Variants in SLC25A26 observed in about 807,000 individuals in gnomAD.
SLC25A26 encodes solute carrier family 25 member 26.
A neutral mutation model predicts 37.8 loss-of-function variants in SLC25A26; 36 were observed. The ratio of observed to expected loss-of-function variants is 0.95; its 90% confidence interval spans 0.73 to 1.26. The LOEUF (loss-of-function observed/expected upper bound fraction) is 1.26. SLC25A26 is among the 50% of genes most tolerant of loss of function. The pLI, the probability that SLC25A26 is intolerant of heterozygous loss-of-function variation, is 0.00. For missense variants in SLC25A26, 390 were observed against 331.1 expected (o/e 1.18, Z -1.38); for synonymous variants, 129 against 122.5 (o/e 1.05, Z -0.35).
chr3:66,137,300 C>T (rs749232857), intron 1 of SLC25A26, among the ~76,000 whole-genome samples: 1 of 149,352 alleles, frequency 6.7e-6, no homozygotes, highest in Non-Finnish European at 1.5e-5. Context: ...AAACTCTGCT[C>T]ACTGCAACCT....
chr3:66,304,416 C>T (rs955150293), intron 5 of SLC25A26: 1 of 456,108 alleles, frequency 2.2e-6, no homozygotes, highest in African/African-American at 2.0e-5. Flanking sequence ...TTTGTGTTCA[C>T]ATGTCTGTTG....
chr3:66,228,654 C>T (rs1036468158), intron 1 of SLC25A26, among the ~76,000 whole-genome samples: 2 of 152,122 alleles, frequency 1.3e-5, no homozygotes, highest in East Asian at 1.9e-4. Context: ...AGATGCTAAA[C>T]GAAACTTAAT....
At chr3:66,320,013 T>G (rs1297245332) in intron 5 of SLC25A26, among the ~76,000 whole-genome samples, 1 of 152,168 alleles carries the variant, frequency 6.6e-6, no homozygotes, top group Admixed American at 6.5e-5. Context: ...CCCAAAGTGC[T>G]GGAAAGCAAT....
At chr3:66,318,865 G>C (rs2075614747) in intron 5 of SLC25A26, among the ~76,000 whole-genome samples, 1 of 151,968 alleles carries the variant, frequency 6.6e-6, no homozygotes, top group Admixed American at 6.6e-5. Context: ...GCCCAGGCTG[G>C]TGTCTAACTC....
At chr3:66,182,727 G>T (rs980340598) in intron 1 of SLC25A26, among the ~76,000 whole-genome samples, 2 of 111,346 alleles carry the variant, frequency 1.8e-5, no homozygotes, top group Non-Finnish European at 3.8e-5. Flanking sequence ...GGGGGGGGGG[G>T]GTGGGGTATC....
At position 66,248,047 on chromosome 3, in the gene SLC25A26, T is replaced by C. The variant is rs73833421; in HGVS notation, c.300+4735T>C. Among the ~76,000 whole-genome samples, 4 of 152,364 alleles carry C rather than the reference T, an allele frequency of 2.6e-5. No individual in the cohort carries two copies. In the East Asian group the frequency reaches 5.8e-4, roughly 22 times the overall value. ...ACACATTTGCTTTGATAGATTATTA[T>C]GTTAGACAGATTGGTTAGAAACAAT... On this transcript the variant is annotated intron_variant, in intron 3 of 9. Transcript: ENST00000354883.
chr3:66,342,469 G>T (rs1280281616), intron 5 of SLC25A26, among the ~76,000 whole-genome samples: 1 of 152,150 alleles, frequency 6.6e-6, no homozygotes, highest in Non-Finnish European at 1.5e-5. Context: ...AGGGCTAAAT[G>T]ATACCTTAGA....
chr3:66,195,684 A>G (rs1241495734), intron 1 of SLC25A26, among the ~76,000 whole-genome samples: 1 of 152,224 alleles, frequency 6.6e-6, no homozygotes, highest in Non-Finnish European at 1.5e-5. Context: ...GGTGTATTAC[A>G]GTAGGTGCCG....
chr3:66,277,647 A>G lies in SLC25A26; in HGVS notation c.453+14268A>G, dbSNP rs558694890. The stretch of plus-strand genomic sequence containing the variant: ...TCATTTATTTTAAAAAACGAATATC[A>G]TAGTCTAGAAGTATTTCCCCAAAGC... On this transcript the variant is annotated intron_variant, in intron 5 of 9. Coordinates refer to ENST00000354883, the MANE Select transcript of SLC25A26 (RefSeq NM_001379210.1). Among the ~76,000 whole-genome samples the G allele has an allele frequency of 1.6e-4, 25 of 152,224 alleles. No homozygotes were observed. In the South Asian group the frequency reaches 5.0e-3, roughly 30 times the overall value.
intron 5 of SLC25A26, among the ~76,000 whole-genome samples, chr3:66,333,900 C>A (rs1402126115): frequency 6.6e-6 from 1 of 152,190 alleles, no homozygotes; most frequent in African/African-American, 2.4e-5. Flanking sequence ...TGCAAGTCTT[C>A]GCTTCCATTT....
chr3:66,372,443 G>A (rs1379695489), intron 9 of SLC25A26, among the ~76,000 whole-genome samples: 1 of 152,182 alleles, frequency 6.6e-6, no homozygotes, highest in African/African-American at 2.4e-5. Context: ...CCTGGTTGTG[G>A]CATGTCTTAT....
At chr3:66,358,977 G>T (rs1313558830) in intron 6 of SLC25A26, among the ~76,000 whole-genome samples, 1 of 152,182 alleles carries the variant, frequency 6.6e-6, no homozygotes, top group Non-Finnish European at 1.5e-5. Flanking sequence ...TGCCACTGAA[G>T]TTTCTCACTT....
chr3:66,320,193 G>A (rs1009340171), intron 5 of SLC25A26, among the ~76,000 whole-genome samples: 1 of 152,044 alleles, frequency 6.6e-6, no homozygotes, highest in Non-Finnish European at 1.5e-5. Flanking sequence ...GTGCAACCAT[G>A]ATCACTATTT....
chr3:66,214,966 A>G (rs948125305), intron 1 of SLC25A26, among the ~76,000 whole-genome samples: 6 of 152,226 alleles, frequency 3.9e-5, no homozygotes, highest in Middle Eastern at 3.4e-3. Context: ...CATCTCTACT[A>G]AAAATACAAA....
intron 1 of SLC25A26, among the ~76,000 whole-genome samples, chr3:66,143,915 C>A (rs1271522622): frequency 6.6e-6 from 1 of 152,016 alleles, no homozygotes; most frequent in East Asian, 1.9e-4. Flanking sequence ...ATGAGAACAG[C>A]AAAGCCTTAA....
intron 1 of SLC25A26, among the ~76,000 whole-genome samples, chr3:66,149,995 A>G (rs1389637988): frequency 6.6e-6 from 1 of 152,102 alleles, no homozygotes; most frequent in East Asian, 1.9e-4. Context: ...TGGCCAACCT[A>G]TGTTTATTCT....
At chr3:66,309,058 T>G (rs1233190750) in intron 5 of SLC25A26, among the ~76,000 whole-genome samples, 3 of 152,168 alleles carry the variant, frequency 2.0e-5, no homozygotes, top group Admixed American at 6.5e-5. Context: ...ATAAAGTGAG[T>G]TAGGGAGGAG....
intron 1 of SLC25A26, among the ~76,000 whole-genome samples, chr3:66,167,844 A>T (rs752595421): frequency 6.6e-6 from 1 of 152,162 alleles, no homozygotes; most frequent in Admixed American, 6.5e-5. Context: ...TGTTATTTCA[A>T]TATGGGTTAA....
rs116371330 is a variant in SLC25A26 at position 66,350,717 on chromosome 3, C to A, written c.498+4309C>A. Among the ~76,000 whole-genome samples, 1,197 of 151,066 alleles carry A rather than the reference C, an allele frequency of 7.9e-3. 16 individuals are homozygous for A. Among genetic ancestry groups the A allele is most frequent in the African/African-American group, 0.027 (1,102 of 41,210 alleles). On this transcript the variant is annotated intron_variant, in intron 6 of 9. Coordinates refer to ENST00000354883, the MANE Select transcript of SLC25A26 (RefSeq NM_001379210.1). Reference sequence around the variant, plus strand: ...CTGTGTGTGTGTGTGTGTGTGTGAGCGCGCGCGTGCGCGCACACCCACACG... The same window carrying A: ...CTGTGTGTGTGTGTGTGTGTGTGAGAGCGCGCGTGCGCGCACACCCACACG...
Sources: gnomAD v4.1 joint callset for allele counts (sites outside exome capture counted in the v4.1 genomes callset) on GRCh38, gnomAD v4.1.1 for gene constraint, MANE v1.5 for transcripts, NCBI Gene and HGNC (gene_info 2026-07-23, HGNC 2026-07-21) for gene names.